Variants in SYNDIG1 observed in about 807,000 individuals in gnomAD.
SYNDIG1 encodes synapse differentiation inducing 1.
A neutral mutation model predicts 19.4 loss-of-function variants in SYNDIG1; 9 were observed. The ratio of observed to expected loss-of-function variants is 0.46; its 90% CI spans 0.28 to 0.81. The LOEUF (loss-of-function observed/expected upper bound fraction) is 0.81, where lower values mean the gene tolerates loss of function less well. Ranked by LOEUF, SYNDIG1 falls within the 30% of genes least tolerant of loss-of-function variation. SYNDIG1 has a pLI of 0.12. For missense variants in SYNDIG1, 311 were observed against 343.3 expected (o/e 0.91, Z 0.74); for synonymous variants, 141 against 145.9 (o/e 0.97, Z 0.24).
chr20:24,606,760 T>C (rs1228829343), intron 3 of SYNDIG1, among the ~76,000 whole-genome samples: 1 of 152,050 alleles, frequency 6.6e-6, no homozygotes, highest in African/African-American at 2.4e-5. Context: ...ACAGGATCAG[T>C]GGGGGCCAGG....
chr20:24,640,186 T>C (rs972585686), intron 3 of SYNDIG1, among the ~76,000 whole-genome samples: 1 of 151,818 alleles, frequency 6.6e-6, no homozygotes, highest in African/African-American at 2.4e-5. Context: ...ACACAAAAAA[T>C]AGCTGGGGGT....
intron 2 of SYNDIG1, among the ~76,000 whole-genome samples, chr20:24,569,187 T>A (rs1226653989): frequency 6.6e-6 from 1 of 152,242 alleles, no homozygotes; most frequent in Non-Finnish European, 1.5e-5. Context: ...TTTACTGTGA[T>A]TTGACCACAG....
At chr20:24,539,642 G>A (rs1002349347) in intron 1 of SYNDIG1, among the ~76,000 whole-genome samples, 2 of 152,112 alleles carry the variant, frequency 1.3e-5, no homozygotes, top group Admixed American at 6.6e-5. Context: ...GCTACTGATC[G>A]CACTGAATCT....
At chr20:24,655,522 C>A (rs1367808193) in intron 3 of SYNDIG1, among the ~76,000 whole-genome samples, 7 of 152,090 alleles carry the variant, frequency 4.6e-5, no homozygotes, top group Admixed American at 4.6e-4. Flanking sequence ...GAAGTAAATA[C>A]CAGATGGATC....
At chr20:24,585,045 G>T in intron 3 of SYNDIG1, 52 bp downstream of exon 3, 1 of 1,369,414 alleles carries the variant, frequency 7.3e-7, no homozygotes, top group South Asian at 1.2e-5. Context: ...CACAGGGTGG[G>T]GGTGGGGGCG....
chr20:24,563,207 C>T (rs1311872288), intron 2 of SYNDIG1, among the ~76,000 whole-genome samples: 1 of 152,192 alleles, frequency 6.6e-6, no homozygotes, highest in East Asian at 1.9e-4. Flanking sequence ...CCTCTGTCTT[C>T]AGCACTTTGG....
intron 3 of SYNDIG1, among the ~76,000 whole-genome samples, chr20:24,629,818 G>GA (rs570589148): frequency 1.1e-3 from 170 of 152,356 alleles, no homozygotes; most frequent in African/African-American, 3.9e-3. Context: ...AGGGAGGGTA[G>GA]ACCAGAGTGA....
chr20:24,603,977 C>T (rs1289057535), intron 3 of SYNDIG1, among the ~76,000 whole-genome samples: 4 of 152,236 alleles, frequency 2.6e-5, no homozygotes, highest in Non-Finnish European at 5.9e-5. Flanking sequence ...TCCCAAACAT[C>T]TGAAACAAAA....
chr20:24,565,338 G>T (rs549081632), intron 2 of SYNDIG1, among the ~76,000 whole-genome samples: 1 of 152,318 alleles, frequency 6.6e-6, no homozygotes, highest in African/African-American at 2.4e-5. Context: ...ATAAGACATG[G>T]CACACAGAGG....
chr20:24,539,928 A>G (rs1470896604), intron 1 of SYNDIG1, among the ~76,000 whole-genome samples: 1 of 151,956 alleles, frequency 6.6e-6, no homozygotes, highest in African/African-American at 2.4e-5. Context: ...ACAGGCGCCC[A>G]CCACCACGCC....
chr20:24,525,211 T>G (rs1006567997), intron 1 of SYNDIG1, among the ~76,000 whole-genome samples: 1 of 151,950 alleles, frequency 6.6e-6, no homozygotes, highest in Non-Finnish European at 1.5e-5. Flanking sequence ...TTGTATCAAC[T>G]TTTATATGAT....
chr20:24,600,750 G>A lies in SYNDIG1; in HGVS notation c.618+15757G>A, dbSNP rs1906951472. Among the ~76,000 whole-genome samples the A allele has an allele frequency of 2.6e-5, 4 of 151,922 alleles. No homozygotes were observed. In the South Asian group the frequency reaches 8.3e-4, roughly 32 times the overall value. The stretch of plus-strand genomic sequence containing the variant: ...GTGTCTCAGCCTCCTGAGTAGCTGG[G>A]ATTACAGGTGCCCGCCACCACGCCT... On this transcript the variant is annotated intron_variant, in intron 3 of 3. Coordinates refer to ENST00000376862, the MANE Select transcript of SYNDIG1 (RefSeq NM_024893.3).
Position 24,550,547 on chromosome 20 carries a change from C to T in SYNDIG1, c.480+6970C>T, listed in dbSNP as rs184240064. ...TTTTTGAGACGGAGTCTCTCTCTGT[C>T]GCCCAGGCTGGAGTGCAGTGGCGCG... On this transcript the variant is annotated intron_variant, in intron 2 of 3. Coordinates refer to ENST00000376862, the MANE Select transcript of SYNDIG1 (RefSeq NM_024893.3). Among the ~76,000 whole-genome samples, 978 of 150,698 alleles carry T rather than the reference C, an allele frequency of 6.5e-3. 9 individuals are homozygous for T. Among genetic ancestry groups the T allele is most frequent in the African/African-American group, 0.022 (921 of 41,096 alleles).
intron 3 of SYNDIG1, among the ~76,000 whole-genome samples, chr20:24,588,535 C>A (rs2058454802): frequency 6.6e-6 from 1 of 152,170 alleles, no homozygotes; most frequent in Non-Finnish European, 1.5e-5. Context: ...CAGTCAGAGT[C>A]TCTGGGGCAA....
intron 3 of SYNDIG1, among the ~76,000 whole-genome samples, chr20:24,633,605 T>G (rs1349409142): frequency 6.6e-6 from 1 of 152,158 alleles, no homozygotes. Context: ...TTTTTTCCAG[T>G]TCGCAAGGGC....
chr20:24,541,619 G>T (rs2057470741), intron 1 of SYNDIG1, among the ~76,000 whole-genome samples: 1 of 152,192 alleles, frequency 6.6e-6, no homozygotes, highest in African/African-American at 2.4e-5. Flanking sequence ...ATGACACGGG[G>T]AACTCAGTGG....
intron 3 of SYNDIG1, among the ~76,000 whole-genome samples, chr20:24,660,273 ATTG>A (rs2147397297): frequency 6.6e-6 from 1 of 152,300 alleles, no homozygotes; most frequent in African/African-American, 2.4e-5. Context: ...CGGGAGTGGA[ATTG>A]TTGTTGCGTG....
At chr20:24,498,558 G>T (rs923076452) in intron 1 of SYNDIG1, among the ~76,000 whole-genome samples, 2 of 152,134 alleles carry the variant, frequency 1.3e-5, no homozygotes, top group African/African-American at 4.8e-5. Context: ...ACTCTCTGCT[G>T]CTGTGAGTTT....
intron 3 of SYNDIG1, among the ~76,000 whole-genome samples, chr20:24,588,915 G>A (rs2058462126): frequency 7.5e-6 from 1 of 133,308 alleles, no homozygotes; most frequent in Admixed American, 8.7e-5. Flanking sequence ...AGGTTCGGAA[G>A]CACCTGCCTT....
Sources: gnomAD v4.1 joint callset for allele counts (sites outside exome capture counted in the v4.1 genomes callset) on GRCh38, gnomAD v4.1.1 for gene constraint, MANE v1.5 for transcripts, NCBI Gene and HGNC (gene_info 2026-07-23, HGNC 2026-07-21) for gene names.